The following CDC42BPA variants were observed in gnomAD, a reference collection of about 807,000 sequenced individuals.
CDC42BPA encodes CDC42 binding protein kinase alpha, also known as serine/threonine-protein kinase MRCK alpha.
CDC42BPA carries 80 observed loss-of-function variants against 223.5 expected under a neutral mutation model. That is an observed-to-expected ratio of 0.36 (90% CI 0.30 to 0.43). The LOEUF is 0.43. Among genes scored for constraint, CDC42BPA ranks in the 20% least tolerant of loss-of-function variants. The pLI is 1.00. For synonymous variants in CDC42BPA, 694 were observed against 718.6 expected, an observed-to-expected ratio of 0.97 and a Z score of 0.55; for missense variants, 1,743 against 2,099.9, an observed-to-expected ratio of 0.83 and a Z score of 3.32.
At chr1:227,080,511 T>C (rs1001290446) in intron 17 of CDC42BPA, among the ~76,000 whole-genome samples, 2 of 152,180 alleles carry the variant, frequency 1.3e-5, no homozygotes, top group Non-Finnish European at 2.9e-5. Flanking sequence ...TCTAAGTTTT[T>C]TTTGCAGGCC....
intron 23 of CDC42BPA, among the ~76,000 whole-genome samples, chr1:227,044,237 G>C (rs1671951307): frequency 6.6e-6 from 1 of 152,030 alleles, no homozygotes; most frequent in South Asian, 2.1e-4. Context: ...ATGTATTTTA[G>C]AAATAAGCCT....
intron 4 of CDC42BPA, among the ~76,000 whole-genome samples, chr1:227,195,871 T>A (rs1178820391): frequency 3.3e-5 from 5 of 152,148 alleles, no homozygotes; most frequent in African/African-American, 1.2e-4. Flanking sequence ...AAGGATATAA[T>A]CCTAAAATAA....
rs60156840 is a variant in CDC42BPA at position 227,258,176 on chromosome 1, G to GAAAAA, written c.179-4026_179-4022dup. Among the ~76,000 whole-genome samples the GAAAAA allele has an allele frequency of 1.3e-3, 141 of 108,044 alleles. 2 individuals are homozygous for GAAAAA. The highest frequency in any genetic ancestry group is 5.4e-3 in the East Asian group (20 of 3,724). The allele number at this position is 108,044 out of a possible 152,430, so 70.9% of individuals were successfully genotyped here. A position where few individuals can be genotyped will look rare whatever the true frequency, so the allele number is the denominator to read the frequency against. ...GGCAACAGGGTGAAACCCTGTCCGG[G>GAAAAA]AAAAAAAAAAAAAAAAAAGAACTGA... is the stretch of plus-strand genomic sequence containing the variant. On this transcript the variant is annotated intron_variant, in intron 1 of 36. Transcript: ENST00000366766.
intron 15 of CDC42BPA, among the ~76,000 whole-genome samples, chr1:227,099,440 CT>C (rs1684601278): frequency 6.6e-6 from 1 of 151,614 alleles, no homozygotes. Context: ...TAGGTGTACC[CT>C]TTTTAAAAAA....
At chr1:227,102,319 T>C (rs1224770985) in intron 14 of CDC42BPA, among the ~76,000 whole-genome samples, 1 of 152,192 alleles carries the variant, frequency 6.6e-6, no homozygotes, top group Non-Finnish European at 1.5e-5. Flanking sequence ...ATACTTTTCA[T>C]GTGCCAGATC....
At chr1:227,104,701 T>C (rs1685605892) in intron 14 of CDC42BPA, among the ~76,000 whole-genome samples, 1 of 152,108 alleles carries the variant, frequency 6.6e-6, no homozygotes, top group African/African-American at 2.4e-5. Context: ...CCCTAATTCA[T>C]TAAGACTGCG....
intron 22 of CDC42BPA, among the ~76,000 whole-genome samples, chr1:227,048,753 G>GGAAAAAA (rs1553313427): frequency 8.9e-6 from 1 of 112,554 alleles, no homozygotes; most frequent in Non-Finnish European, 1.8e-5. Flanking sequence ...AAAGTAGTGA[G>GGAAAAAA]AAAAAAAAAA....
At chr1:227,199,301 T>C (rs1211177878) in intron 4 of CDC42BPA, among the ~76,000 whole-genome samples, 3 of 152,144 alleles carry the variant, frequency 2.0e-5, no homozygotes, top group Admixed American at 6.6e-5. Flanking sequence ...AGACCGTCTA[T>C]AGAACTTAAC....
intron 21 of CDC42BPA, among the ~76,000 whole-genome samples, chr1:227,065,373 C>T (rs981719236): frequency 6.6e-5 from 10 of 152,130 alleles, no homozygotes; most frequent in African/African-American, 2.4e-4. Context: ...CCTACATTCC[C>T]CCAAGTTAGA....
intron 21 of CDC42BPA, among the ~76,000 whole-genome samples, chr1:227,067,537 G>A (rs554311689): frequency 6.6e-6 from 1 of 152,168 alleles, no homozygotes; most frequent in South Asian, 2.1e-4. Context: ...AACATCCTGA[G>A]CAGCAGATTA....
chr1:227,250,452 C>T (rs542034733), intron 2 of CDC42BPA, among the ~76,000 whole-genome samples: 2 of 152,118 alleles, frequency 1.3e-5, no homozygotes, highest in African/African-American at 4.8e-5. Context: ...TGCACCACTG[C>T]ACTCCAGCCT....
At position 227,252,055 on chromosome 1, in the gene CDC42BPA, A is replaced by C. The variant is rs1449482227; in HGVS notation, c.270+2009T>G. Reference sequence around the variant, plus strand: ...CTATAGCTAAAAATGCTTAGAGGAAAACATATAGCCTTAAACACAGGTTTG... The same window carrying C: ...CTATAGCTAAAAATGCTTAGAGGAACACATATAGCCTTAAACACAGGTTTG... On this transcript the variant is annotated intron_variant, in intron 2 of 36. Coordinates refer to ENST00000366766, the MANE Select transcript of CDC42BPA (RefSeq NM_001394014.1). 2.0e-5 allele frequency among the ~76,000 whole-genome samples: 3 copies of C among 152,228 alleles called. No individual in the cohort carries two copies. In the East Asian group the frequency reaches 5.8e-4, roughly 29 times the overall value.
intron 4 of CDC42BPA, among the ~76,000 whole-genome samples, chr1:227,195,207 T>G (rs1490099934): frequency 6.6e-6 from 1 of 152,146 alleles, no homozygotes; most frequent in Admixed American, 6.5e-5. Context: ...TTTGTTTGTT[T>G]GTTTTGAGAC....
intron 1 of CDC42BPA, among the ~76,000 whole-genome samples, chr1:227,279,339 A>G (rs941313023): frequency 6.6e-6 from 1 of 152,132 alleles, no homozygotes; most frequent in Non-Finnish European, 1.5e-5. Context: ...GAAATAAGTT[A>G]CAGTGATGGA....
intron 22 of CDC42BPA, among the ~76,000 whole-genome samples, chr1:227,048,886 T>G (rs1673001805): frequency 6.6e-6 from 1 of 151,898 alleles, no homozygotes; most frequent in South Asian, 2.1e-4. Flanking sequence ...GGATGGTCCT[T>G]TCTTTGCTGT....
At chr1:227,023,879 A>AT (rs1667806319) in intron 31 of CDC42BPA, among the ~76,000 whole-genome samples, 1 of 152,196 alleles carries the variant, frequency 6.6e-6, no homozygotes, top group African/African-American at 2.4e-5. Flanking sequence ...TTTAAAAAAG[A>AT]TTTTTTAAAA....
Position 227,082,714 on chromosome 1 carries a change from C to CAAAA in CDC42BPA, c.2356-1701_2356-1698dup, listed in dbSNP as rs71574595. The stretch of plus-strand genomic sequence containing the variant: ...TGGGTGACAGAATGAGACTCTGTCT[C>CAAAA]AAAAAAAAAAAAAAAAAAAAAAAAA... On this transcript the variant is annotated intron_variant, in intron 16 of 36. Coordinates refer to ENST00000366766, the MANE Select transcript of CDC42BPA (RefSeq NM_001394014.1). Among the ~76,000 whole-genome samples, 241 of 59,470 alleles carry CAAAA rather than the reference C, an allele frequency of 4.1e-3. 17 individuals carry two copies. The highest frequency in any genetic ancestry group is 0.028 in the East Asian group (73 of 2,618). The allele number at this position is 59,470 out of a possible 152,430, so 39.0% of individuals were successfully genotyped here. A position where few individuals can be genotyped will look rare whatever the true frequency, so the allele number is the denominator to read the frequency against.
At chr1:227,009,493 C>T (rs1366565464) in intron 34 of CDC42BPA, among the ~76,000 whole-genome samples, 3 of 152,126 alleles carry the variant, frequency 2.0e-5, no homozygotes, top group African/African-American at 2.4e-5. Flanking sequence ...TCTGCAACTT[C>T]GACCTCCCAG....
chr1:227,029,335 T>C (rs900742691), intron 29 of CDC42BPA, 85 bp from the exon 30 acceptor site: 9 of 837,636 alleles, frequency 1.1e-5, no homozygotes, highest in Non-Finnish European at 1.6e-5. Context: ...GTAAGTCAAC[T>C]TACAGATGCA....
Sources: allele counts gnomAD v4.1 joint callset (sites outside exome capture counted in the v4.1 genomes callset), GRCh38; gene constraint gnomAD v4.1.1; transcripts MANE v1.5; gene names NCBI Gene and HGNC (gene_info 2026-07-23, HGNC 2026-07-21).